CDH11: variants seen among roughly 807,000 people sequenced by gnomAD.
CDH11 encodes the protein cadherin-11.
A neutral mutation model predicts 67.8 loss-of-function variants in CDH11; 11 were observed. The observed-to-expected ratio is 0.16, with a 90% CI of 0.10 to 0.27. CDH11 has a LOEUF of 0.27. CDH11 is among the 10% of genes least tolerant of loss of function. CDH11 has a pLI of 1.00. For missense variants in CDH11, 847 were observed against 1,031.2 expected (o/e 0.82, Z 2.45); for synonymous variants, 419 against 400.0 (o/e 1.05, Z -0.57).
At chr16:64,951,691 G>A (rs2071365729) in intron 11 of CDH11, among the ~76,000 whole-genome samples, 1 of 152,074 alleles carries the variant, frequency 6.6e-6, no homozygotes, top group Non-Finnish European at 1.5e-5. Flanking sequence ...TTATGACAAG[G>A]GTTTAGCCAA....
chr16:65,092,779 T>G lies in CDH11; in HGVS notation c.-298+29101A>C, dbSNP rs1489444473. On this transcript the variant is annotated intron_variant, in intron 1 of 12. Coordinates refer to ENST00000268603, the MANE Select transcript of CDH11 (RefSeq NM_001797.4). ...AGGTTCCTCCTCATCTTGAGGGACA[T>G]TTTCCAAAAAAAAAAAAAAAGTGCC... Among the ~76,000 whole-genome samples the G allele has an allele frequency of 2.7e-5, 4 of 147,988 alleles. No homozygotes were observed. In the East Asian group the frequency reaches 7.9e-4, roughly 29 times the overall value.
chr16:65,106,590 G>T, intron 1 of CDH11, among the ~76,000 whole-genome samples: 1 of 152,122 alleles, frequency 6.6e-6, no homozygotes, highest in Non-Finnish European at 1.5e-5. Context: ...CAACATACAA[G>T]ACCTTAATGC....
intron 2 of CDH11, among the ~76,000 whole-genome samples, chr16:65,041,440 TGTCCA>T (rs1165046942): frequency 1.3e-5 from 2 of 151,978 alleles, no homozygotes; most frequent in African/African-American, 2.4e-5. Flanking sequence ...CTTAATGAAC[TGTCCA>T]GTCGAGTGTA....
chr16:65,110,433 A>T (rs1001424269), intron 1 of CDH11, among the ~76,000 whole-genome samples: 1 of 152,178 alleles, frequency 6.6e-6, no homozygotes, highest in African/African-American at 2.4e-5. Flanking sequence ...AAAACCCCAG[A>T]TACCTAGGAA....
chr16:65,090,218 G>C (rs935507139), intron 1 of CDH11, among the ~76,000 whole-genome samples: 3 of 151,814 alleles, frequency 2.0e-5, no homozygotes, highest in African/African-American at 7.3e-5. Flanking sequence ...CTGAAATCTA[G>C]ACCTTAAGTG....
chr16:64,993,926 A>G (rs1344914667), intron 4 of CDH11, among the ~76,000 whole-genome samples: 2 of 152,186 alleles, frequency 1.3e-5, no homozygotes, highest in African/African-American at 2.4e-5. Flanking sequence ...CATTTTTTAC[A>G]TCTACTGTAT....
At chr16:65,037,399 T>C (rs2073774092) in intron 2 of CDH11, among the ~76,000 whole-genome samples, 1 of 152,184 alleles carries the variant, frequency 6.6e-6, no homozygotes, top group South Asian at 2.1e-4. Flanking sequence ...AACCTCTGTC[T>C]ACACAGCCCC....
rs77460527 is a variant in CDH11 at position 65,067,550 on chromosome 16, T to C, written c.-297-13622A>G. ...TTGTGCTCATTGATTTATTGTTTTG[T>C]CTTCTTTATTGCTCATTCATTCATT... On this transcript the variant is annotated intron_variant, in intron 1 of 12. Transcript: ENST00000268603. Among the ~76,000 whole-genome samples the C allele has an allele frequency of 8.9e-3, 1,363 of 152,358 alleles. 17 individuals are homozygous for C. Among genetic ancestry groups the C allele is most frequent in the African/African-American group, 0.03 (1,266 of 41,592 alleles).
intron 2 of CDH11, among the ~76,000 whole-genome samples, chr16:65,040,841 A>C (rs2073854453): frequency 6.6e-6 from 1 of 152,204 alleles, no homozygotes. Context: ...TATTGGCCAC[A>C]TATGATGTTT....
chr16:64,997,907 C>A (rs2072814690), intron 4 of CDH11, among the ~76,000 whole-genome samples: 1 of 152,168 alleles, frequency 6.6e-6, no homozygotes, highest in Non-Finnish European at 1.5e-5. Context: ...GTTTGAAAGA[C>A]AAACCTTTCT....
chr16:65,068,514 G>A (rs377635313), intron 1 of CDH11, among the ~76,000 whole-genome samples: 3 of 151,350 alleles, frequency 2.0e-5, no homozygotes, highest in East Asian at 3.9e-4. Flanking sequence ...ACTCTCTCCC[G>A]TGACCTTGCC....
chr16:65,053,768 A>T, intron 2 of CDH11, 36 bp downstream of exon 2: 1 of 455,330 alleles, frequency 2.2e-6, no homozygotes, highest in South Asian at 1.6e-5. Context: ...ATACATAGTA[A>T]TATGTGAATT....
chr16:65,073,167 A>G (rs2142773327), intron 1 of CDH11, among the ~76,000 whole-genome samples: 1 of 152,352 alleles, frequency 6.6e-6, no homozygotes, highest in East Asian at 1.9e-4. Flanking sequence ...CTGAAAATTC[A>G]GAATATTTAG....
At chr16:65,089,547 TA>T (rs200157269) in intron 1 of CDH11, among the ~76,000 whole-genome samples, 30 of 151,350 alleles carry the variant, frequency 2.0e-4, no homozygotes, top group Middle Eastern at 3.4e-3. Flanking sequence ...TTGCAGTGCT[TA>T]AAAAAAAATA....
intron 7 of CDH11, chr16:64,982,798 T>C (rs2142462444): frequency 6.5e-6 from 1 of 154,748 alleles, no homozygotes; most frequent in South Asian, 2.0e-4. Context: ...CTGACCACGT[T>C]GTTTCCCAAT....
chr16:64,948,596 T>C, intron 12 of CDH11: 2 of 1,603,364 alleles, frequency 1.2e-6, no homozygotes, highest in South Asian at 1.1e-5. Context: ...ACTAACTTAA[T>C]GGGAAGTCTT....
chr16:64,948,564 TGAGA>T lies in CDH11; in HGVS notation c.1895-469_1895-466del. 1.4e-6 allele frequency: 2 copies of T among 1,458,362 alleles called. 1 individual carries two copies. Among genetic ancestry groups the T allele is most frequent in the South Asian group, 2.3e-5 (2 of 87,278 alleles). The allele number at this position is 1,458,362 out of a possible 1,614,324, so 90.3% of individuals were successfully genotyped here. On this transcript the variant is annotated intron_variant, in intron 12 of 12. Transcript: ENST00000268603. ...GTGATGGCTAGCTTCTGCCAATGTC[TGAGA>T]AAGAGTATTGGTCCTATACTAACTT... is the stretch of plus-strand genomic sequence containing the variant.
chr16:64,949,471 G>T (rs2071295972), intron 12 of CDH11, among the ~76,000 whole-genome samples: 3 of 147,216 alleles, frequency 2.0e-5, no homozygotes, highest in Admixed American at 1.4e-4. Flanking sequence ...TTGTTGCCCA[G>T]GCTGAAGTGC....
At chr16:65,004,521 C>G (rs2073002185) in intron 3 of CDH11, 121 bp downstream of exon 3, 2 of 980,232 alleles carry the variant, frequency 2.0e-6, no homozygotes. Flanking sequence ...GTTTTACTGG[C>G]TCTTCAAGCC....
Sources: allele counts gnomAD v4.1 joint callset (sites outside exome capture counted in the v4.1 genomes callset), GRCh38; gene constraint gnomAD v4.1.1; transcripts MANE v1.5; gene names NCBI Gene and HGNC (gene_info 2026-07-23, HGNC 2026-07-21).